Variants in FAM13A observed in about 807,000 individuals in gnomAD.
The protein encoded by FAM13A is protein FAM13A.
FAM13A carries 76 observed loss-of-function variants against 129.6 expected under a neutral mutation model. The ratio of observed to expected loss-of-function variants is 0.59; its 90% CI spans 0.49 to 0.71. The LOEUF is 0.71. Among genes scored for constraint, FAM13A ranks in the 30% least tolerant of loss-of-function variants. The probability of loss-of-function intolerance (pLI) is 0.00; values close to 1 mark genes in which losing one functional copy is unlikely to be tolerated. For missense variants in FAM13A, 1,108 were observed against 1,249.3 expected, an observed-to-expected ratio of 0.89 and a Z score of 1.70; for synonymous variants, 443 against 449.9, an observed-to-expected ratio of 0.98 and a Z score of 0.20.
intron 7 of FAM13A, among the ~76,000 whole-genome samples, chr4:88,831,566 GA>G (rs1249842622): frequency 6.6e-6 from 1 of 152,134 alleles, no homozygotes; most frequent in Non-Finnish European, 1.5e-5. Flanking sequence ...AACACCAAGT[GA>G]AGTGTTTTTA....
intron 1 of FAM13A, among the ~76,000 whole-genome samples, chr4:89,037,929 A>C (rs371555972): frequency 2.8e-4 from 43 of 152,338 alleles, no homozygotes; most frequent in African/African-American, 9.9e-4. Flanking sequence ...CAGCCTGTGG[A>C]ACCAGGAGAC....
intron 21 of FAM13A, among the ~76,000 whole-genome samples, chr4:88,733,507 G>A (rs2604225): frequency 0.084 from 12,755 of 152,158 alleles, 1,413 homozygotes; most frequent in African/African-American, 0.25. Flanking sequence ...TCCCATCGAC[G>A]TAGTTTTGAT....
At chr4:88,915,274 T>C (rs1431308002) in intron 5 of FAM13A, among the ~76,000 whole-genome samples, 1 of 152,188 alleles carries the variant, frequency 6.6e-6, no homozygotes, top group African/African-American at 2.4e-5. Flanking sequence ...AAAAAGTAGA[T>C]TTTCTTAAAA....
At chr4:88,763,681 C>T (rs1027259762) in intron 13 of FAM13A, among the ~76,000 whole-genome samples, 10 of 152,172 alleles carry the variant, frequency 6.6e-5, no homozygotes, top group Admixed American at 5.9e-4. Flanking sequence ...CATTGCCCTG[C>T]ACAGGATATA....
chr4:88,809,143 C>A (rs375021861), intron 7 of FAM13A, among the ~76,000 whole-genome samples: 1 of 152,066 alleles, frequency 6.6e-6, no homozygotes, highest in Admixed American at 6.6e-5. Context: ...AATTATACAG[C>A]AAGCTAAAGG....
At chr4:88,904,860 A>G (rs1264728008) in intron 6 of FAM13A, among the ~76,000 whole-genome samples, 1 of 152,214 alleles carries the variant, frequency 6.6e-6, no homozygotes, top group African/African-American at 2.4e-5. Context: ...TAAGGGAAAC[A>G]AAATTTTACA....
At chr4:88,783,524 C>T (rs1242427502) in intron 10 of FAM13A, among the ~76,000 whole-genome samples, 2 of 152,110 alleles carry the variant, frequency 1.3e-5, no homozygotes, top group Non-Finnish European at 2.9e-5. Context: ...TTCTCAAACT[C>T]CTGCCCGCCT....
In FAM13A at chr4:88,727,604, C is replaced by G. The variant is rs779133639; in HGVS notation, c.*929G>C. On this transcript the variant is annotated 3_prime_UTR_variant, in exon 24 of 24. Coordinates refer to ENST00000264344, the MANE Select transcript of FAM13A (RefSeq NM_014883.4). ...TGAGAACACAGGCCCCTTCTCTCCC[C>G]GATCCTCTGTATGCAGGCTGACTTA... 6.6e-6 allele frequency: 1 copy of G among 152,420 alleles called. No individual in the cohort carries two copies. Among genetic ancestry groups the G allele is most frequent in the African/African-American group, 2.4e-5 (1 of 41,412 alleles). The allele number at this position is 152,420 out of a possible 1,614,324, so 9.4% of individuals were successfully genotyped here.
chr4:88,953,113 C>T (rs1371256854), intron 4 of FAM13A, among the ~76,000 whole-genome samples: 1 of 152,068 alleles, frequency 6.6e-6, no homozygotes, highest in Non-Finnish European at 1.5e-5. Context: ...GAGACTAGTA[C>T]ATCCATCATC....
At chr4:88,999,546 T>C (rs555899457) in intron 3 of FAM13A, among the ~76,000 whole-genome samples, 1 of 152,316 alleles carries the variant, frequency 6.6e-6, no homozygotes, top group South Asian at 2.1e-4. Context: ...ATGGGCCAAG[T>C]ACAGTAAATA....
chr4:88,998,690 T>C (rs28712360), intron 3 of FAM13A, among the ~76,000 whole-genome samples: 120,929 of 152,200 alleles, frequency 0.79, 48,285 homozygotes, highest in Middle Eastern at 0.88. Context: ...ACATGAATTA[T>C]ATTTCTTTCT....
At chr4:88,761,740 C>G (rs1454323997) in intron 13 of FAM13A, among the ~76,000 whole-genome samples, 1 of 149,796 alleles carries the variant, frequency 6.7e-6, no homozygotes, top group Non-Finnish European at 1.5e-5. Context: ...GTATTATATA[C>G]TTATATATTC....
At chr4:88,996,081 G>A (rs2149037524) in intron 3 of FAM13A, among the ~76,000 whole-genome samples, 1 of 152,328 alleles carries the variant, frequency 6.6e-6, no homozygotes, top group South Asian at 2.1e-4. Context: ...CACGCAAAGG[G>A]CCTGAGGCAG....
intron 7 of FAM13A, among the ~76,000 whole-genome samples, chr4:88,844,191 C>A (rs1166243536): frequency 2.0e-5 from 3 of 152,184 alleles, no homozygotes; most frequent in African/African-American, 4.8e-5. Flanking sequence ...TAGACACAGT[C>A]TCTCTTCTTC....
At chr4:88,920,886 G>A (rs188886702) in intron 5 of FAM13A, among the ~76,000 whole-genome samples, 110 of 152,308 alleles carry the variant, frequency 7.2e-4, no homozygotes, top group Middle Eastern at 6.8e-3. Context: ...GCCAAAGCTC[G>A]AGAACTACGT....
intron 3 of FAM13A, among the ~76,000 whole-genome samples, chr4:89,016,047 C>T (rs756146388): frequency 6.6e-6 from 1 of 151,728 alleles, no homozygotes; most frequent in Non-Finnish European, 1.5e-5. Context: ...GAAGGCATTG[C>T]TATTGTAGGA....
At position 88,757,028 on chromosome 4, in the gene FAM13A, A is replaced by G. The variant is rs142009550; in HGVS notation, c.1726+1726T>C. On this transcript the variant is annotated intron_variant, in intron 14 of 23. Transcript: ENST00000264344. Reference sequence around the variant, plus strand: ...TTTCCCAAGCCTATTGAAATGCAACATATTTTTTTCCAATAACTTTTTAAA... The same window carrying G: ...TTTCCCAAGCCTATTGAAATGCAACGTATTTTTTTCCAATAACTTTTTAAA... Among the ~76,000 whole-genome samples, 31 of 152,310 alleles carry G rather than the reference A, an allele frequency of 2.0e-4. No homozygotes were observed. In the East Asian group the frequency reaches 5.8e-3, roughly 28 times the overall value.
At chr4:88,747,942 T>G (rs1210906651) in intron 17 of FAM13A, 91 bp from the exon 18 acceptor site, 5 of 902,432 alleles carry the variant, frequency 5.5e-6, no homozygotes, top group Non-Finnish European at 6.8e-6. Context: ...CAGGTTGGAG[T>G]GCAGTGGCAC....
At chr4:88,988,944 G>A (rs192506864) in intron 4 of FAM13A, among the ~76,000 whole-genome samples, 12 of 152,040 alleles carry the variant, frequency 7.9e-5, no homozygotes, top group East Asian at 7.7e-4. Flanking sequence ...CATGAGGGTC[G>A]GGCCTGTAAT....
Sources: gnomAD v4.1 joint callset for allele counts (sites outside exome capture counted in the v4.1 genomes callset) on GRCh38, gnomAD v4.1.1 for gene constraint, MANE v1.5 for transcripts, NCBI Gene and HGNC (gene_info 2026-07-23, HGNC 2026-07-21) for gene names.